Variants in MYO10 observed in about 807,000 individuals in gnomAD.
MYO10 encodes the protein unconventional myosin-X.
Under a neutral mutation model 257.3 loss-of-function variants are expected in MYO10, and 133 were observed. The ratio of observed to expected loss-of-function variants is 0.52; its 90% CI spans 0.45 to 0.60. The LOEUF (loss-of-function observed/expected upper bound fraction) is 0.60. Among genes scored for constraint, MYO10 ranks in the 20% least tolerant of loss-of-function variants. The probability of loss-of-function intolerance (pLI) is 0.00; values close to 1 mark genes in which losing one functional copy is unlikely to be tolerated. For missense variants in MYO10, 2,399 were observed against 2,635.7 expected (o/e 0.91, Z 1.97); for synonymous variants, 1,104 against 1,028.6 (o/e 1.07, Z -1.40).
At chr5:16,815,225 T>C (rs543047450) in intron 3 of MYO10, 12 of 476,642 alleles carry the variant, frequency 2.5e-5, no homozygotes, top group East Asian at 1.4e-4. Flanking sequence ...AAAATATAGA[T>C]TGAGCATCCC....
intron 2 of MYO10, among the ~76,000 whole-genome samples, chr5:16,821,810 G>A (rs1339028564): frequency 1.3e-5 from 2 of 151,854 alleles, no homozygotes; most frequent in Non-Finnish European, 2.9e-5. Flanking sequence ...GCCCATTCCA[G>A]GGGTGGAAAA....
At chr5:16,725,373 G>A (rs1739321103) in intron 19 of MYO10, among the ~76,000 whole-genome samples, 1 of 151,830 alleles carries the variant, frequency 6.6e-6, no homozygotes, top group African/African-American at 2.4e-5. Flanking sequence ...GGATTATAGG[G>A]GCGAGCCACT....
chr5:16,802,643 C>A (rs559992117), intron 3 of MYO10, among the ~76,000 whole-genome samples: 2 of 116,664 alleles, frequency 1.7e-5, no homozygotes, highest in Admixed American at 1.1e-4. Flanking sequence ...GGGGACAGAG[C>A]GAGACTGTCT....
Position 16,812,065 on chromosome 5 carries a change from G to A in MYO10, c.279+5944C>T, listed in dbSNP as rs894923501. 2.6e-4 allele frequency among the ~76,000 whole-genome samples: 39 copies of A among 152,166 alleles called. 1 individual carries two copies. Among genetic ancestry groups the A allele is most frequent in the Admixed American group, 6.5e-5 (1 of 15,278 alleles). On this transcript the variant is annotated intron_variant, in intron 3 of 40. Transcript: ENST00000513610. ...CCCTCATCAGACCCATTCCAAGGAA[G>A]GGGACAATCAGGAGAGAGCCAACCC...
At chr5:16,725,199 G>T (rs915387713) in intron 19 of MYO10, among the ~76,000 whole-genome samples, 40 of 145,042 alleles carry the variant, frequency 2.8e-4, no homozygotes, top group African/African-American at 1.0e-3. Flanking sequence ...CGATTCTCCT[G>T]CCTTAGTCTC....
At chr5:16,749,960 G>A (rs1740334256) in intron 19 of MYO10, among the ~76,000 whole-genome samples, 1 of 152,206 alleles carries the variant, frequency 6.6e-6, no homozygotes, top group Non-Finnish European at 1.5e-5. Flanking sequence ...CCTTGGGGAG[G>A]TTCTGATGAG....
intron 2 of MYO10, among the ~76,000 whole-genome samples, chr5:16,846,220 G>A (rs944593010): frequency 6.6e-6 from 1 of 152,182 alleles, no homozygotes; most frequent in Non-Finnish European, 1.5e-5. Context: ...CAAGCTATTG[G>A]CAGACTAATT....
chr5:16,764,146 C>CAAA, intron 12 of MYO10, 104 bp downstream of exon 12: 1 of 979,440 alleles, frequency 1.0e-6, no homozygotes, highest in Non-Finnish European at 1.5e-6. Context: ...GACTCCTTCT[C>CAAA]AAAAAAAAAA....
At chr5:16,841,430 A>T (rs536466993) in intron 2 of MYO10, among the ~76,000 whole-genome samples, 20 of 152,154 alleles carry the variant, frequency 1.3e-4, no homozygotes, top group Non-Finnish European at 2.4e-4. Context: ...AGTCAGAAGG[A>T]TTTTCCAGAT....
chr5:16,902,128 C>T (rs1745395687), intron 1 of MYO10, among the ~76,000 whole-genome samples: 2 of 152,076 alleles, frequency 1.3e-5, no homozygotes, highest in African/African-American at 4.8e-5. Flanking sequence ...TCACTGCAAC[C>T]TCCACCTCTC....
In MYO10 at chr5:16,754,923, A is replaced by G. The variant is rs763311076; in HGVS notation, c.1849-15T>C. 8.5e-6 allele frequency: 13 copies of G among 1,528,694 alleles called. No homozygotes were observed. Among genetic ancestry groups the G allele is most frequent in the African/African-American group, 2.7e-5 (2 of 73,356 alleles). 94.7% of individuals were successfully genotyped at this position (1,528,694 alleles called of 1,614,324 possible). On this transcript the variant is annotated splice_polypyrimidine_tract_variant and intron_variant, in intron 18 of 40. Coordinates refer to ENST00000513610, the MANE Select transcript of MYO10 (RefSeq NM_012334.3). The stretch of plus-strand genomic sequence containing the variant: ...TGCAGTGAGTCCTATTAGAAAAAGT[A>G]TATGTTGATTTAGTCTCTTATTATG...
At chr5:16,778,593 G>A (rs1034174432) in intron 9 of MYO10, among the ~76,000 whole-genome samples, 2 of 152,022 alleles carry the variant, frequency 1.3e-5, no homozygotes, top group Non-Finnish European at 2.9e-5. Context: ...CTTCCACGGG[G>A]AAGAGAAGCC....
chr5:16,838,737 C>T (rs1159022883), intron 2 of MYO10, among the ~76,000 whole-genome samples: 1 of 152,160 alleles, frequency 6.6e-6, no homozygotes, highest in African/African-American at 2.4e-5. Context: ...GGCCTGGCTT[C>T]AAAGGACACA....
chr5:16,666,661 G>A lies in MYO10; in HGVS notation c.*31C>T, dbSNP rs1333366212. 1 of 1,553,024 alleles carries A rather than the reference G, an allele frequency of 6.4e-7. No homozygotes were observed. The highest frequency in any genetic ancestry group is 1.3e-5 in the African/African-American group (1 of 74,156). On this transcript the variant is annotated 3_prime_UTR_variant, in exon 41 of 41. Coordinates refer to ENST00000513610, the MANE Select transcript of MYO10 (RefSeq NM_012334.3). ...CTAGGCCAGAGGGTGGTGCGTTCAG[G>A]TAGCAAAGACAGGTGGGCTCTGTCC...
intron 3 of MYO10, among the ~76,000 whole-genome samples, chr5:16,806,441 T>C (rs1461318732): frequency 4.0e-5 from 6 of 150,326 alleles, no homozygotes; most frequent in Non-Finnish European, 8.9e-5. Context: ...GGTCAGGAGA[T>C]CGAGACCACG....
chr5:16,878,094 C>T (rs560210538), intron 1 of MYO10, among the ~76,000 whole-genome samples: 3 of 152,300 alleles, frequency 2.0e-5, no homozygotes, highest in South Asian at 2.1e-4. Flanking sequence ...AAAGACTGAG[C>T]GAGTGCATGA....
At chr5:16,782,254 G>A (rs1363353634) in intron 5 of MYO10, among the ~76,000 whole-genome samples, 1 of 152,168 alleles carries the variant, frequency 6.6e-6, no homozygotes, top group Non-Finnish European at 1.5e-5. Context: ...CCAAGTGTAA[G>A]ATGGAGTCTG....
chr5:16,761,392 T>C, intron 17 of MYO10, 72 bp downstream of exon 17: 1 of 1,210,788 alleles, frequency 8.3e-7, no homozygotes, highest in Non-Finnish European at 1.2e-6. Context: ...TGTTCTATAT[T>C]TGTGAATTAA....
chr5:16,875,807 CAACTTACA>C, intron 2 of MYO10, among the ~76,000 whole-genome samples: 1 of 152,260 alleles, frequency 6.6e-6, no homozygotes. Flanking sequence ...CTCAACACAA[CAACTTACA>C]AACTCAATTC....
Sources: allele counts gnomAD v4.1 joint callset (sites outside exome capture counted in the v4.1 genomes callset), GRCh38; gene constraint gnomAD v4.1.1; transcripts MANE v1.5; gene names NCBI Gene and HGNC (gene_info 2026-07-23, HGNC 2026-07-21).